The following MAN2B1 variants were observed in gnomAD, a reference collection of about 807,000 sequenced individuals.
The protein encoded by MAN2B1 is lysosomal alpha-mannosidase.
A neutral mutation model predicts 127.5 loss-of-function variants in MAN2B1; 99 were observed. The ratio of observed to expected loss-of-function variants is 0.78; its 90% CI spans 0.66 to 0.92. The LOEUF (loss-of-function observed/expected upper bound fraction) is 0.92. MAN2B1 is among the 40% of genes least tolerant of loss of function. The pLI is 0.00. For synonymous variants in MAN2B1, 573 were observed against 568.8 expected (o/e 1.01, Z -0.11); for missense variants, 1,304 against 1,384.8 (o/e 0.94, Z 0.93).
At chr19:12,653,041 T>A (rs1445196826) in intron 14 of MAN2B1, among the ~76,000 whole-genome samples, 1 of 139,542 alleles carries the variant, frequency 7.2e-6, no homozygotes, top group Non-Finnish European at 1.6e-5. Flanking sequence ...GCCATGTTGG[T>A]CAGGCTGGTC....
intron 13 of MAN2B1, chr19:12,656,146 T>C (rs1599348777): frequency 1.5e-5 from 6 of 396,614 alleles, no homozygotes; most frequent in Admixed American, 4.3e-5. Flanking sequence ...AGGCAGGTTC[T>C]CGGGGGAGGA....
Position 12,658,329 on chromosome 19 carries a change from GTCATGTT to G in MAN2B1, c.1118_1124del (p.Lys373ThrfsTer102). 6.2e-7 allele frequency: 1 copy of G among 1,614,202 alleles called. No individual in the cohort carries two copies. The highest frequency in any genetic ancestry group is 8.5e-7 in the Non-Finnish European group (1 of 1,180,048). ...GGCCATCCGCGTAAGGGAAGAAGTC[GTCATGTT>G]TCACTGACCTACAGCGGCAGGGGCA... On this transcript the variant is annotated frameshift_variant, in exon 9 of 24. Transcript: ENST00000456935. LOFTEE classifies it high-confidence loss of function.
At chr19:12,657,863 G>A (rs2024006099) in intron 10 of MAN2B1, 200 bp downstream of exon 10, 3 of 631,010 alleles carry the variant, frequency 4.8e-6, no homozygotes, top group Non-Finnish European at 5.4e-6. Context: ...GCTGAGTCAG[G>A]AGAATGGCGT....
Position 12,648,410 on chromosome 19 carries a change from G to A in MAN2B1, c.2437-8C>T, listed in dbSNP as rs1599339769. The A allele has an allele frequency of 6.2e-7, 1 of 1,606,460 alleles. No homozygotes were observed. Among genetic ancestry groups the A allele is most frequent in the Non-Finnish European group, 8.5e-7 (1 of 1,174,492 alleles). On this transcript the variant is annotated splice_polypyrimidine_tract_variant and splice_region_variant and intron_variant, in intron 20 of 23. Transcript: ENST00000456935. ...CAGCAGCCTTCGGTGCACCTGGGGG[G>A]AGAGTGGCCAGGAGGGGGTGAGAGT... is the stretch of plus-strand genomic sequence containing the variant.
At chr19:12,652,486 G>A (rs1216452654) in intron 14 of MAN2B1, 26 bp from the exon 15 acceptor site, 2 of 1,527,168 alleles carry the variant, frequency 1.3e-6, no homozygotes, top group Admixed American at 3.3e-5. Context: ...TCCACAGATG[G>A]GTTTGTGTGT....
chr19:12,652,525 T>C, intron 14 of MAN2B1, 65 bp from the exon 15 acceptor site: 1 of 1,013,530 alleles, frequency 9.9e-7, no homozygotes, highest in Non-Finnish European at 1.5e-6. Flanking sequence ...TTTTTTTAAT[T>C]TTTCTTTTTT....
chr19:12,662,410 A>C (rs1014366367), intron 6 of MAN2B1, among the ~76,000 whole-genome samples: 2 of 151,738 alleles, frequency 1.3e-5, no homozygotes, highest in East Asian at 3.9e-4. Flanking sequence ...GCTGTGGGTC[A>C]AAAGGTTAGG....
intron 14 of MAN2B1, among the ~76,000 whole-genome samples, chr19:12,655,245 C>T (rs995808367): frequency 6.6e-6 from 1 of 152,208 alleles, no homozygotes; most frequent in Non-Finnish European, 1.5e-5. Flanking sequence ...ACCCGTTCAC[C>T]CTGCTTCAGC....
intron 6 of MAN2B1, 62 bp downstream of exon 6, chr19:12,663,255 C>T (rs901656632): frequency 6.3e-7 from 1 of 1,591,894 alleles, no homozygotes; most frequent in Non-Finnish European, 8.6e-7. Context: ...GATGCCTGTA[C>T]CATGGAAAGA....
chr19:12,663,062 T>C (rs2024145527), intron 6 of MAN2B1, among the ~76,000 whole-genome samples: 1 of 151,754 alleles, frequency 6.6e-6, no homozygotes, highest in South Asian at 2.1e-4. Context: ...GCTCAGGAGT[T>C]TGAGACCAGC....
chr19:12,658,285 C>G lies in MAN2B1; in HGVS notation c.1169G>C (p.Gly390Ala), dbSNP rs774968464. Residue 390 changes from glycine (G) to alanine (A), a missense_variant, in exon 9 of 24, where the codon GGT becomes GCT. Coordinates refer to ENST00000456935, the MANE Select transcript of MAN2B1 (RefSeq NM_000528.4). The stretch of plus-strand genomic sequence containing the variant: ...GAGGGCCGGCCGACTGGAAAAGTAA[C>G]CGGTCCAGAACTGGTGGGGGCCATC... ...YADGPHQFWT[G>A]YFSSRPALKR... The G allele has an allele frequency of 1.5e-5, 25 of 1,614,082 alleles. No homozygotes were observed. The Admixed American group carries it at 4.2e-4, about 27-fold the overall frequency.
At chr19:12,655,917 C>T (rs1267153497) in intron 13 of MAN2B1, 38 bp from the exon 14 acceptor site, 1 of 1,576,470 alleles carries the variant, frequency 6.3e-7, no homozygotes. Context: ...TCAAGAGTAC[C>T]CATGGAAAGC....
chr19:12,665,318 G>C, intron 3 of MAN2B1, 34 bp downstream of exon 3: 9 of 1,599,038 alleles, frequency 5.6e-6, no homozygotes, highest in Non-Finnish European at 7.6e-6. Context: ...GCTGGGCTGG[G>C]CTTCCTCTTT....
At chr19:12,646,791 C>T (rs2023699062) in intron 23 of MAN2B1, 59 bp from the exon 24 acceptor site, 3 of 1,198,512 alleles carry the variant, frequency 2.5e-6, no homozygotes, top group Non-Finnish European at 3.7e-6. Context: ...TGACTCACCC[C>T]ACGATGCTTC....
chr19:12,663,211 CA>C, intron 6 of MAN2B1, 105 bp downstream of exon 6: 2 of 1,421,938 alleles, frequency 1.4e-6, no homozygotes, highest in Non-Finnish European at 2.0e-6. Context: ...AAGACTGTCT[CA>C]AAAAAATTAA....
chr19:12,661,024 T>C, intron 7 of MAN2B1: 1 of 436,684 alleles, frequency 2.3e-6, no homozygotes, highest in South Asian at 2.0e-5. Context: ...CCCAACATGC[T>C]GGGATTACAG....
At position 12,652,162 on chromosome 19, in the gene MAN2B1, G is replaced by A. The variant is rs1385319075; in HGVS notation, c.2037C>T (p.His679=). 2 of 1,613,722 alleles carry A rather than the reference G, an allele frequency of 1.2e-6. No homozygotes were observed. The highest frequency in any genetic ancestry group is 2.2e-5 in the South Asian group (2 of 91,064). Residue 679 remains histidine (H), a synonymous_variant, in exon 16 of 24, where the codon CAC becomes CAT. Coordinates refer to ENST00000456935, the MANE Select transcript of MAN2B1 (RefSeq NM_000528.4). The part of the protein sequence containing the change: ...PLPVSRWAQI[H]LVKTPLVQEV... ...ATTCCTAGTCCCTGACCTTCACCAG[G>A]TGGATCTGAGCCCAGCGGCTCACAG...
chr19:12,664,026 T>C (rs2024170245), intron 4 of MAN2B1, among the ~76,000 whole-genome samples, 191 bp from the exon 5 acceptor site: 1 of 152,126 alleles, frequency 6.6e-6, no homozygotes, highest in African/African-American at 2.4e-5. Context: ...CCAGGAGTTT[T>C]TGAGACCAGC....
In MAN2B1 at chr19:12,648,232, C is replaced by A. The variant is rs755344489; in HGVS notation, c.2607G>T (p.Val869=). Reference sequence around the variant, plus strand: ...CGGCGCCGCCACCCGGGGCCAGCACCACCTGAGGGGCCAGGACCTCCTGCT... The same window carrying A: ...CGGCGCCGCCACCCGGGGCCAGCACAACCTGAGGGGCCAGGACCTCCTGCT... ...LAEQEVLAPQ[V]VLAPGGGAAY... Residue 869 remains valine, a synonymous_variant, in exon 21 of 24, where the codon GTG becomes GTT. Transcript: ENST00000456935. The A allele has an allele frequency of 1.3e-5, 21 of 1,589,760 alleles. No individual in the cohort carries two copies. In the African/African-American group the frequency reaches 2.7e-4, roughly 20 times the overall value.
Sources: allele counts gnomAD v4.1 joint callset (sites outside exome capture counted in the v4.1 genomes callset), GRCh38; gene constraint gnomAD v4.1.1; transcripts MANE v1.5; gene names NCBI Gene and HGNC (gene_info 2026-07-23, HGNC 2026-07-21).